Variants in SIRPA observed in about 807,000 individuals in gnomAD.
SIRPA encodes signal regulatory protein alpha, also known as tyrosine-protein phosphatase non-receptor type substrate 1.
SIRPA carries 9 observed loss-of-function variants against 50.3 expected under a neutral mutation model. The observed-to-expected ratio is 0.18, with a 90% confidence interval of 0.11 to 0.31. SIRPA has a LOEUF of 0.31. SIRPA is among the 10% of genes least tolerant of loss of function. SIRPA has a pLI of 1.00. For missense variants in SIRPA, 474 were observed against 661.6 expected, an observed-to-expected ratio of 0.72 and a Z score of 3.11; for synonymous variants, 265 against 284.1, an observed-to-expected ratio of 0.93 and a Z score of 0.68.
chr20:1,926,682 A>G (rs555923524), intron 5 of SIRPA, among the ~76,000 whole-genome samples: 1 of 152,170 alleles, frequency 6.6e-6, no homozygotes, highest in Non-Finnish European at 1.5e-5. Flanking sequence ...TACTAACCCC[A>G]CTTTACAGAT....
In SIRPA at chr20:1,902,669, TAGTC is replaced by T. The variant is rs894998762; in HGVS notation, c.79+7146_79+7149del. Among the ~76,000 whole-genome samples, 343 of 152,158 alleles carry T rather than the reference TAGTC, an allele frequency of 2.3e-3. 2 individuals are homozygous for T. Among genetic ancestry groups the T allele is most frequent in the African/African-American group, 8.0e-3 (331 of 41,508 alleles). ...AGCAGGAGGAGGGAAGGGAGAAGGT[TAGTC>T]AGGACAGAGGGAGGGCCGCTCTAAG... On this transcript the variant is annotated intron_variant, in intron 1 of 7. Transcript: ENST00000358771.
intron 1 of SIRPA, among the ~76,000 whole-genome samples, chr20:1,909,787 GA>G (rs1280371682): frequency 2.0e-5 from 3 of 150,638 alleles, no homozygotes; most frequent in East Asian, 3.9e-4. Flanking sequence ...CGTCTCAAAA[GA>G]AAAAAAAAGT....
At chr20:1,913,663 C>G (rs1003755779) in intron 1 of SIRPA, among the ~76,000 whole-genome samples, 3 of 152,216 alleles carry the variant, frequency 2.0e-5, no homozygotes, top group Non-Finnish European at 4.4e-5. Flanking sequence ...CTCCCCTATT[C>G]TAGCTCGCTC....
At chr20:1,897,440 C>T (rs1983898325) in intron 1 of SIRPA, among the ~76,000 whole-genome samples, 1 of 152,232 alleles carries the variant, frequency 6.6e-6, no homozygotes, top group African/African-American at 2.4e-5. Context: ...CCTGGTCACA[C>T]CATGGGCCTG....
At chr20:1,895,958 AG>A (rs1407452304) in intron 1 of SIRPA, among the ~76,000 whole-genome samples, 1 of 152,212 alleles carries the variant, frequency 6.6e-6, no homozygotes, top group East Asian at 1.9e-4. Context: ...GTGAGGGCAG[AG>A]GTCCTCCCGA....
At chr20:1,919,815 A>G (rs948280587) in intron 2 of SIRPA, among the ~76,000 whole-genome samples, 2 of 152,132 alleles carry the variant, frequency 1.3e-5, no homozygotes, top group African/African-American at 4.8e-5. Flanking sequence ...AGAAAAGGGG[A>G]GAGAATCCTC....
At chr20:1,917,680 A>C (rs570678494) in intron 2 of SIRPA, among the ~76,000 whole-genome samples, 10 of 152,332 alleles carry the variant, frequency 6.6e-5, no homozygotes, top group Non-Finnish European at 1.0e-4. Context: ...CATGGAGCAG[A>C]GTTGGGCCTC....
At chr20:1,912,800 G>C (rs1160004432) in intron 1 of SIRPA, among the ~76,000 whole-genome samples, 3 of 152,236 alleles carry the variant, frequency 2.0e-5, no homozygotes, top group African/African-American at 7.2e-5. Flanking sequence ...ACCCAGGCCT[G>C]CTGGCCCTAG....
At chr20:1,915,982 AT>A (rs1302244792) in intron 2 of SIRPA, among the ~76,000 whole-genome samples, 6 of 152,250 alleles carry the variant, frequency 3.9e-5, no homozygotes, top group Non-Finnish European at 7.3e-5. Context: ...AACTGAGAAG[AT>A]TCCTAAAAGG....
chr20:1,911,789 G>C (rs1054554545), intron 1 of SIRPA, among the ~76,000 whole-genome samples: 1 of 152,050 alleles, frequency 6.6e-6, no homozygotes, highest in Non-Finnish European at 1.5e-5. Flanking sequence ...TCCCTGAGAC[G>C]GTTCAGGCCC....
Position 1,927,730 on chromosome 20 carries a change from C to T in SIRPA, c.1202-145C>T, listed in dbSNP as rs1321435181. ...TGGAAGAGGATGCCCACTGGGTGGGCATGGGGGTCTCCTGTGGTTCCAAGG... is the reference window on the plus strand; with the variant it reads ...TGGAAGAGGATGCCCACTGGGTGGGTATGGGGGTCTCCTGTGGTTCCAAGG... On this transcript the variant is annotated intron_variant, in intron 5 of 7. Coordinates refer to ENST00000358771, the MANE Select transcript of SIRPA (RefSeq NM_001040023.2). The surrounding 1 kb of genome is among the most constrained non-coding windows in gnomAD (Gnocchi z 6.5). 9.5e-6 allele frequency: 7 copies of T among 740,110 alleles called. No homozygotes were observed. The East Asian group carries it at 1.5e-4, about 16-fold the overall frequency. 45.8% of individuals were successfully genotyped at this position (740,110 alleles called of 1,614,324 possible). A position where few individuals can be genotyped will look rare whatever the true frequency, so the allele number is the denominator to read the frequency against.
In SIRPA at chr20:1,932,773, G is replaced by A. The variant is rs2122181348; in HGVS notation, c.1227-1942G>A. 6.6e-6 allele frequency among the ~76,000 whole-genome samples: 1 copy of A among 152,188 alleles called. No individual in the cohort carries two copies. Among genetic ancestry groups the A allele is most frequent in the East Asian group, 1.9e-4 (1 of 5,176 alleles). ...GGCTTTGATGGATATTTTGGAGGTGGAGCCGACGAGCCCTAGGTTGGATTA... is the reference window on the plus strand; with the variant it reads ...GGCTTTGATGGATATTTTGGAGGTGAAGCCGACGAGCCCTAGGTTGGATTA... On this transcript the variant is annotated intron_variant, in intron 6 of 7. Transcript: ENST00000358771. This position sits in a 1 kb window ranked among gnomAD's most constrained non-coding sequence, Gnocchi z 6.0.
rs747397443 is a variant in SIRPA, at chr20:1,939,025, G to A, written c.*1457G>A. The A allele has an allele frequency of 1.3e-5, 2 of 152,690 alleles. No individual in the cohort carries two copies. Among genetic ancestry groups the A allele is most frequent in the Non-Finnish European group, 2.9e-5 (2 of 68,086 alleles). 9.5% of individuals were successfully genotyped at this position (152,690 alleles called of 1,614,324 possible). Reference sequence around the variant, plus strand: ...TAAATTGAAGACAGCCAGGGGGATGGTGCAGCTGTGAAGCTCGGGCTGATT... The same window carrying A: ...TAAATTGAAGACAGCCAGGGGGATGATGCAGCTGTGAAGCTCGGGCTGATT... On this transcript the variant is annotated 3_prime_UTR_variant, in exon 8 of 8. Transcript: ENST00000358771. This position sits in a 1 kb window ranked among gnomAD's most constrained non-coding sequence, Gnocchi z 4.7.
intron 1 of SIRPA, among the ~76,000 whole-genome samples, chr20:1,905,346 T>G (rs1984481613): frequency 6.6e-6 from 1 of 152,180 alleles, no homozygotes; most frequent in Non-Finnish European, 1.5e-5. Context: ...GGCTCCAGCC[T>G]CCAGTGTTGG....
chr20:1,916,475 G>A (rs1985304671), intron 2 of SIRPA, among the ~76,000 whole-genome samples: 1 of 152,174 alleles, frequency 6.6e-6, no homozygotes, highest in Admixed American at 6.5e-5. Context: ...TGCATCATAG[G>A]TGCCGACTGA....
At chr20:1,901,827 A>G (rs1268519156) in intron 1 of SIRPA, among the ~76,000 whole-genome samples, 4 of 152,156 alleles carry the variant, frequency 2.6e-5, no homozygotes, top group Non-Finnish European at 5.9e-5. Flanking sequence ...CAAGGAGATC[A>G]GGTGCTCGGA....
At chr20:1,931,717 G>A (rs1337664456) in intron 6 of SIRPA, among the ~76,000 whole-genome samples, 6 of 152,150 alleles carry the variant, frequency 3.9e-5, no homozygotes, top group Non-Finnish European at 7.3e-5. Flanking sequence ...AGCTCAAGGG[G>A]TTCTTCAGGT....
At chr20:1,929,562 G>GC (rs58118916) in intron 6 of SIRPA, among the ~76,000 whole-genome samples, 17,265 of 152,022 alleles carry the variant, frequency 0.11, 1,794 homozygotes, top group African/African-American at 0.27. Flanking sequence ...AGCATCAGGT[G>GC]CCCCGCTCCT....
In SIRPA at chr20:1,937,980, T is replaced by TCCACCACCACCACCACCACCACCACCA. The variant is rs71193939; in HGVS notation, c.*417_*443dup. 1 of 152,602 alleles carries TCCACCACCACCACCACCACCACCACCA rather than the reference T, an allele frequency of 6.6e-6. No individual in the cohort carries two copies. Among genetic ancestry groups the TCCACCACCACCACCACCACCACCACCA allele is most frequent in the African/African-American group, 3.1e-5 (1 of 32,700 alleles). 9.5% of individuals were successfully genotyped at this position (152,602 alleles called of 1,614,324 possible). A position where few individuals can be genotyped will look rare whatever the true frequency, so the allele number is the denominator to read the frequency against. The stretch of plus-strand genomic sequence containing the variant: ...CCCACCTCCCCTGACCTCCACCACC[T>TCCACCACCACCACCACCACCACCACCA]CCACCACCACCACCACCACCACCAC... On this transcript the variant is annotated 3_prime_UTR_variant, in exon 8 of 8. Coordinates refer to ENST00000358771, the MANE Select transcript of SIRPA (RefSeq NM_001040023.2). The surrounding 1 kb of genome is among the most constrained non-coding windows in gnomAD (Gnocchi z 8.3).
Sources: gnomAD v4.1 joint callset for allele counts (sites outside exome capture counted in the v4.1 genomes callset) on GRCh38, gnomAD v4.1.1 for gene constraint, Gnocchi (gnomAD v3.1) non-coding constraint, MANE v1.5 for transcripts, NCBI Gene and HGNC (gene_info 2026-07-23, HGNC 2026-07-21) for gene names.